The following WLS variants were observed in gnomAD, a reference collection of about 807,000 sequenced individuals.
WLS encodes the protein Wnt ligand secretion mediator.
In WLS, 23 loss-of-function variants were observed where a neutral mutation model predicts 62.8. That is an observed-to-expected ratio of 0.37 (90% CI 0.26 to 0.52). WLS has a LOEUF of 0.52. Among genes scored for constraint, WLS ranks in the 20% least tolerant of loss-of-function variants. WLS has a pLI of 0.92. For missense variants in WLS, 615 were observed against 697.3 expected, an observed-to-expected ratio of 0.88 and a Z score of 1.33; for synonymous variants, 246 against 244.1, an observed-to-expected ratio of 1.01 and a Z score of -0.07.
chr1:68,162,735 G>A (rs796525333), intron 2 of WLS: 1 of 1,145,572 alleles, frequency 8.7e-7, no homozygotes, highest in Admixed American at 1.8e-5. Flanking sequence ...CAGCAATTCC[G>A]AGCTCGCTGG....
rs41410344 is a variant in WLS, at chr1:68,137,762, A to G, written c.1516+18T>C. 2.0e-3 allele frequency: 3,163 copies of G among 1,612,470 alleles called. 52 individuals carry two copies. The African/African-American group carries it at 0.038, about 20-fold the overall frequency. ...TATTTATCCTGACTTAAGCTGTTCT[A>G]AAGAGACAGAAACTCACCATTGGAC... On this transcript the variant is annotated intron_variant, in intron 11 of 11. Transcript: ENST00000262348.
intron 6 of WLS, among the ~76,000 whole-genome samples, chr1:68,149,618 T>C (rs1646798779): frequency 6.6e-6 from 1 of 152,226 alleles, no homozygotes; most frequent in Non-Finnish European, 1.5e-5. Context: ...TTCTTATTTT[T>C]AACCATGGTA....
chr1:68,155,304 A>G (rs1305831356), intron 3 of WLS, 44 bp from the exon 4 acceptor site: 5 of 1,576,448 alleles, frequency 3.2e-6, no homozygotes, highest in South Asian at 2.4e-5. Flanking sequence ...ACTATTTCCA[A>G]TAGACTGGCT....
rs919314630 is a variant in WLS, at chr1:68,125,903, T to A, written c.*323A>T. 7.5e-6 allele frequency: 8 copies of A among 1,066,272 alleles called. No homozygotes were observed. Among genetic ancestry groups the A allele is most frequent in the Non-Finnish European group, 7.9e-6 (7 of 881,720 alleles). The allele number at this position is 1,066,272 out of a possible 1,614,324, so 66.1% of individuals were successfully genotyped here. Reference sequence around the variant, plus strand: ...TCGGCCCAAACCATCCCCCAAGGAATACACCCCCACCCCACCCCCACATGA... The same window carrying A: ...TCGGCCCAAACCATCCCCCAAGGAAAACACCCCCACCCCACCCCCACATGA... On this transcript the variant is annotated 3_prime_UTR_variant, in exon 12 of 12. Coordinates refer to ENST00000262348, the MANE Select transcript of WLS (RefSeq NM_024911.7).
chr1:68,137,619 T>C (rs1646629214), intron 11 of WLS, among the ~76,000 whole-genome samples, 161 bp downstream of exon 11: 1 of 152,196 alleles, frequency 6.6e-6, no homozygotes, highest in African/African-American at 2.4e-5. Flanking sequence ...TTTTGTCTTA[T>C]GGGTGAGTCC....
In WLS at chr1:68,168,847, G is replaced by A. The variant is rs140437646; in HGVS notation, c.380-9600C>T. 2.8e-3 allele frequency among the ~76,000 whole-genome samples: 419 copies of A among 152,218 alleles called. 7 individuals carry two copies. Among genetic ancestry groups the A allele is most frequent in the African/African-American group, 9.3e-3 (385 of 41,530 alleles). The stretch of plus-strand genomic sequence containing the variant: ...CCCCAATAAAAAACTCTCTGACCTG[G>A]CTTGAATTTTTCTTGACGCTTTCAA... On this transcript the variant is annotated intron_variant, in intron 2 of 11. Coordinates refer to ENST00000262348, the MANE Select transcript of WLS (RefSeq NM_024911.7).
chr1:68,151,203 G>A (rs1646821250), intron 5 of WLS, among the ~76,000 whole-genome samples: 1 of 152,198 alleles, frequency 6.6e-6, no homozygotes, highest in African/African-American at 2.4e-5. Flanking sequence ...TGGAAAGGGT[G>A]TTTGGAGGAG....
At chr1:68,155,493 C>A (rs976198903) in intron 3 of WLS, among the ~76,000 whole-genome samples, 6 of 152,152 alleles carry the variant, frequency 3.9e-5, no homozygotes, top group African/African-American at 1.2e-4. Flanking sequence ...AAGGTAGAAC[C>A]AGAAATTTTA....
chr1:68,121,929 A>G (rs1406279782), downstream of WLS, among the ~76,000 whole-genome samples: 4 of 152,206 alleles, frequency 2.6e-5, no homozygotes, highest in East Asian at 7.7e-4. Context: ...CAAGGACAGC[A>G]GTTTCTCTGT....
chr1:68,166,798 C>A (rs1353235787), intron 2 of WLS, among the ~76,000 whole-genome samples: 59 of 152,266 alleles, frequency 3.9e-4, no homozygotes, highest in Non-Finnish European at 2.9e-5. Context: ...CTCCTTACTT[C>A]CCGTGCAATC....
chr1:68,106,536 A>C (rs539763192), intron 11 of WLS, among the ~76,000 whole-genome samples: 1 of 152,346 alleles, frequency 6.6e-6, no homozygotes, highest in Admixed American at 6.5e-5. Context: ...TATTGGAGGC[A>C]AAACAATCAA....
chr1:68,156,026 C>T (rs1646893159), intron 3 of WLS, among the ~76,000 whole-genome samples: 1 of 152,088 alleles, frequency 6.6e-6, no homozygotes, highest in Non-Finnish European at 1.5e-5. Context: ...GAGATACTGC[C>T]CAGAGCACGG....
At chr1:68,130,700 T>C (rs1646505642) in intron 11 of WLS, among the ~76,000 whole-genome samples, 1 of 152,158 alleles carries the variant, frequency 6.6e-6, no homozygotes, top group Non-Finnish European at 1.5e-5. Flanking sequence ...GGTGTTAATA[T>C]GATTGTTATG....
chr1:68,106,716 CTGTGTGTGTGTGTGTGTGTGTGTG>C (rs59601112), intron 11 of WLS, among the ~76,000 whole-genome samples: 110 of 146,824 alleles, frequency 7.5e-4, no homozygotes, highest in African/African-American at 2.6e-3. Flanking sequence ...GTGTTTGTCA[CTGTGTGTGTGTGTGTGTGTGTGTG>C]TGTGTGTGTG....
At chr1:68,182,211 G>A (rs1172134340) in intron 2 of WLS, among the ~76,000 whole-genome samples, 1 of 152,122 alleles carries the variant, frequency 6.6e-6, no homozygotes, top group East Asian at 1.9e-4. Context: ...TTTCTGAATT[G>A]GAATTTTTCA....
chr1:68,108,678 C>T (rs776697181), intron 11 of WLS, among the ~76,000 whole-genome samples: 1 of 152,046 alleles, frequency 6.6e-6, no homozygotes, highest in Non-Finnish European at 1.5e-5. Context: ...TTTAATTCTA[C>T]TTAGTTTTAA....
intron 1 of WLS, among the ~76,000 whole-genome samples, chr1:68,205,936 A>G (rs902918149): frequency 3.9e-5 from 6 of 152,200 alleles, no homozygotes; most frequent in African/African-American, 1.2e-4. Context: ...AATGGTGAAA[A>G]TCTTCTTGGT....
intron 1 of WLS, among the ~76,000 whole-genome samples, chr1:68,195,893 T>C (rs897748275): frequency 2.6e-5 from 4 of 152,062 alleles, no homozygotes; most frequent in Non-Finnish European, 5.9e-5. Context: ...ATTTCTTAAA[T>C]ATTTAAATTA....
chr1:68,173,615 AG>A (rs1216911385), intron 2 of WLS, among the ~76,000 whole-genome samples: 2 of 152,208 alleles, frequency 1.3e-5, no homozygotes, highest in Non-Finnish European at 2.9e-5. Context: ...AAAAACACAC[AG>A]GTCAGTTCTT....
Sources: allele counts gnomAD v4.1 joint callset (sites outside exome capture counted in the v4.1 genomes callset), GRCh38; gene constraint gnomAD v4.1.1; transcripts MANE v1.5; gene names NCBI Gene and HGNC (gene_info 2026-07-23, HGNC 2026-07-21).